ZFPM2: variants seen among roughly 807,000 people sequenced by gnomAD.
ZFPM2 encodes the protein zinc finger protein ZFPM2.
Under a neutral mutation model 98.6 loss-of-function variants are expected in ZFPM2, and 20 were observed. That is an observed-to-expected ratio of 0.20 (90% confidence interval 0.14 to 0.29). The LOEUF (loss-of-function observed/expected upper bound fraction) is 0.29. Among genes scored for constraint, ZFPM2 ranks in the 10% least tolerant of loss-of-function variants. The pLI is 1.00. For missense variants in ZFPM2, 1,310 were observed against 1,388.6 expected (o/e 0.94, Z 0.90); for synonymous variants, 518 against 502.7 (o/e 1.03, Z -0.41).
chr8:105,450,741 G>A (rs1366042005), intron 3 of ZFPM2, among the ~76,000 whole-genome samples: 3 of 151,880 alleles, frequency 2.0e-5, no homozygotes, highest in Non-Finnish European at 2.9e-5. Context: ...TATTGGGGGG[G>A]TCAGGAAAAT....
intron 5 of ZFPM2, among the ~76,000 whole-genome samples, chr8:105,721,886 G>A (rs1811677273): frequency 6.6e-6 from 1 of 152,012 alleles, no homozygotes; most frequent in Admixed American, 6.6e-5. Flanking sequence ...GCCACTTGTG[G>A]CTATGGAGCA....
intron 5 of ZFPM2, among the ~76,000 whole-genome samples, chr8:105,665,509 A>G (rs1174275535): frequency 5.3e-5 from 8 of 152,150 alleles, no homozygotes; most frequent in Admixed American, 3.9e-4. Flanking sequence ...TTCAGGGAGG[A>G]ATCTATGAAA....
intron 3 of ZFPM2, among the ~76,000 whole-genome samples, chr8:105,459,490 CCTG>C (rs1812663543): frequency 6.6e-6 from 1 of 152,134 alleles, no homozygotes; most frequent in Non-Finnish European, 1.5e-5. Flanking sequence ...TATGTATTGG[CCTG>C]CTCAGGCTCC....
chr8:105,754,397 A>G (rs1351928134), intron 5 of ZFPM2, among the ~76,000 whole-genome samples: 5 of 152,178 alleles, frequency 3.3e-5, no homozygotes, highest in African/African-American at 1.2e-4. Context: ...AAGTAGAATT[A>G]CCCATTTATA....
intron 5 of ZFPM2, among the ~76,000 whole-genome samples, chr8:105,768,108 TTCTCTC>T (rs976041644): frequency 7.5e-6 from 1 of 132,856 alleles, no homozygotes; most frequent in Admixed American, 7.5e-5. Context: ...CTCTCTCTCT[TTCTCTC>T]TCTCTCTCTC....
chr8:105,604,106 G>A (rs1816148476), intron 4 of ZFPM2, among the ~76,000 whole-genome samples: 2 of 151,892 alleles, frequency 1.3e-5, no homozygotes, highest in Admixed American at 6.6e-5. Context: ...TAGAGATTTG[G>A]AAATCAGAAC....
intron 3 of ZFPM2, among the ~76,000 whole-genome samples, chr8:105,539,911 G>T (rs192570217): frequency 6.6e-6 from 1 of 152,156 alleles, no homozygotes; most frequent in Admixed American, 6.5e-5. Flanking sequence ...CAAAGAATTT[G>T]GGCTTCATGT....
intron 5 of ZFPM2, among the ~76,000 whole-genome samples, chr8:105,767,880 A>C (rs1482437215): frequency 2.0e-5 from 3 of 151,780 alleles, no homozygotes; most frequent in African/African-American, 7.3e-5. Context: ...TGTTTGAAAA[A>C]ACCCTATTTT....
At chr8:105,764,989 GTAC>G (rs1221220397) in intron 5 of ZFPM2, among the ~76,000 whole-genome samples, 1 of 151,770 alleles carries the variant, frequency 6.6e-6, no homozygotes, top group Non-Finnish European at 1.5e-5. Flanking sequence ...AAAACAGTTA[GTAC>G]TAAGTCCTCT....
At chr8:105,443,633 T>A (rs976845819) in intron 2 of ZFPM2, among the ~76,000 whole-genome samples, 4 of 152,182 alleles carry the variant, frequency 2.6e-5, no homozygotes, top group African/African-American at 9.6e-5. Flanking sequence ...AGAATGTTAC[T>A]GCCTTTTTAA....
At chr8:105,728,457 T>G (rs1043515042) in intron 5 of ZFPM2, among the ~76,000 whole-genome samples, 4 of 151,824 alleles carry the variant, frequency 2.6e-5, no homozygotes, top group South Asian at 4.1e-4. Flanking sequence ...GATGCTTATC[T>G]TGTGGCAGAG....
intron 4 of ZFPM2, among the ~76,000 whole-genome samples, chr8:105,629,986 T>C (rs1189475818): frequency 1.3e-5 from 2 of 152,192 alleles, no homozygotes; most frequent in Non-Finnish European, 2.9e-5. Flanking sequence ...ATACCTTTTG[T>C]CAAGTAAGGT....
chr8:105,500,853 G>A (rs1257659452), intron 3 of ZFPM2, among the ~76,000 whole-genome samples: 1 of 152,038 alleles, frequency 6.6e-6, no homozygotes, highest in Non-Finnish European at 1.5e-5. Flanking sequence ...GAAAGCTAAG[G>A]CAAATATGTA....
intron 5 of ZFPM2, among the ~76,000 whole-genome samples, chr8:105,719,443 G>A (rs1388559524): frequency 6.6e-6 from 1 of 151,818 alleles, no homozygotes; most frequent in Non-Finnish European, 1.5e-5. Context: ...TTGATAGAGA[G>A]GCTGTATCCT....
chr8:105,456,004 C>G (rs1687125567), intron 3 of ZFPM2, among the ~76,000 whole-genome samples: 1 of 151,904 alleles, frequency 6.6e-6, no homozygotes, highest in Non-Finnish European at 1.5e-5. Context: ...GAAATATAAA[C>G]CAGAGGGCTG....
At chr8:105,795,243 TC>T in intron 6 of ZFPM2, among the ~76,000 whole-genome samples, 2 of 139,262 alleles carry the variant, frequency 1.4e-5, no homozygotes, top group Middle Eastern at 3.5e-3. Context: ...CCTCATTTTA[TC>T]TTTGTGTGTG....
intron 1 of ZFPM2, among the ~76,000 whole-genome samples, chr8:105,365,958 G>A (rs566225643): frequency 2.0e-5 from 3 of 152,200 alleles, no homozygotes; most frequent in South Asian, 2.1e-4. Context: ...ATGCCCCAGA[G>A]AAAATTTCAG....
intron 4 of ZFPM2, among the ~76,000 whole-genome samples, chr8:105,585,269 G>A (rs1394465269): frequency 2.0e-5 from 3 of 152,174 alleles, no homozygotes; most frequent in Non-Finnish European, 4.4e-5. Flanking sequence ...TGGTGAATGT[G>A]AATAATAGTA....
intron 5 of ZFPM2, among the ~76,000 whole-genome samples, chr8:105,714,258 T>C (rs1297087009): frequency 6.6e-6 from 1 of 152,108 alleles, no homozygotes; most frequent in Non-Finnish European, 1.5e-5. Context: ...TTGATTTGGC[T>C]CTCAGCTTGA....
Sources: gnomAD v4.1 joint callset for allele counts (sites outside exome capture counted in the v4.1 genomes callset) on GRCh38, gnomAD v4.1.1 for gene constraint, MANE v1.5 for transcripts, NCBI Gene and HGNC (gene_info 2026-07-23, HGNC 2026-07-21) for gene names.